The following SARDH variants were observed in gnomAD, a reference collection of about 807,000 sequenced individuals.
SARDH encodes the protein sarcosine dehydrogenase, mitochondrial.
Under a neutral mutation model 109.1 loss-of-function variants are expected in SARDH, and 95 were observed. The ratio of observed to expected loss-of-function variants is 0.87; its 90% CI spans 0.74 to 1.03. SARDH has a LOEUF of 1.03. Ranked by LOEUF, SARDH falls within the 50% of genes least tolerant of loss-of-function variation. The pLI, the probability that SARDH is intolerant of heterozygous loss-of-function variation, is 0.00. For missense variants in SARDH, 1,267 were observed against 1,287.8 expected, an observed-to-expected ratio of 0.98 and a Z score of 0.25; for synonymous variants, 572 against 534.8, an observed-to-expected ratio of 1.07 and a Z score of -0.96.
intron 15 of SARDH, among the ~76,000 whole-genome samples, chr9:133,691,516 G>T (rs1247536694): frequency 1.3e-5 from 2 of 152,328 alleles, no homozygotes; most frequent in South Asian, 4.1e-4. Context: ...GGTGTGGGGG[G>T]AGCTGTGGGC....
At chr9:133,734,388 TTCATTCAC>T (rs1474147060) in intron 1 of SARDH, among the ~76,000 whole-genome samples, 185 bp from the exon 2 acceptor site, 1 of 148,112 alleles carries the variant, frequency 6.8e-6, no homozygotes, top group African/African-American at 2.6e-5. Flanking sequence ...CACTCATTCA[TTCATTCAC>T]TCATTCATTC....
chr9:133,725,375 CA>C (rs1832451201), intron 6 of SARDH: 1 of 265,732 alleles, frequency 3.8e-6, no homozygotes, highest in Admixed American at 5.1e-5. Context: ...CAGGTATTAA[CA>C]ATGTTTACAT....
intron 20 of SARDH, among the ~76,000 whole-genome samples, chr9:133,664,303 T>C (rs1564221811): frequency 6.6e-6 from 1 of 152,198 alleles, no homozygotes; most frequent in Non-Finnish European, 1.5e-5. Flanking sequence ...CAATTCCAGA[T>C]GCCTGGGAAA....
At chr9:133,701,119 T>C (rs1408948133) in intron 13 of SARDH, among the ~76,000 whole-genome samples, 1 of 152,238 alleles carries the variant, frequency 6.6e-6, no homozygotes, top group African/African-American at 2.4e-5. Flanking sequence ...AGGGGTGCAC[T>C]GACCCTGACA....
At chr9:133,710,251 C>T (rs368224748) in intron 10 of SARDH, among the ~76,000 whole-genome samples, 11 of 152,218 alleles carry the variant, frequency 7.2e-5, no homozygotes, top group South Asian at 2.1e-4. Flanking sequence ...TTCCAGGTGG[C>T]GAAACTGAGG....
chr9:133,670,884 G>A lies in SARDH; in HGVS notation c.2327-132C>T, dbSNP rs1205983852. 2.3e-6 allele frequency: 3 copies of A among 1,290,906 alleles called. No homozygotes were observed. The East Asian group carries it at 8.4e-5, about 36-fold the overall frequency. 80.0% of individuals were successfully genotyped at this position (1,290,906 alleles called of 1,614,324 possible). ...ACTCTCAGAGCTGCTTAGTCACCTGGGCAGGAGGCAGGGGCATCCCCAACT... is the reference window on the plus strand; with the variant it reads ...ACTCTCAGAGCTGCTTAGTCACCTGAGCAGGAGGCAGGGGCATCCCCAACT... On this transcript the variant is annotated intron_variant, in intron 18 of 20. Coordinates refer to ENST00000439388, the MANE Select transcript of SARDH (RefSeq NM_001134707.2).
intron 17 of SARDH, among the ~76,000 whole-genome samples, chr9:133,676,051 G>A (rs1240647877): frequency 1.3e-5 from 2 of 151,576 alleles, no homozygotes; most frequent in African/African-American, 2.4e-5. Flanking sequence ...AGATCGCACC[G>A]CTGCACTCCA....
Position 133,703,175 on chromosome 9 carries a change from A to G in SARDH, c.1555-146T>C. On this transcript the variant is annotated intron_variant, in intron 12 of 20. Coordinates refer to ENST00000439388, the MANE Select transcript of SARDH (RefSeq NM_001134707.2). Reference sequence around the variant, plus strand: ...TGCACTGAGTGCCCGTGTGTTGTGGACGCGGGCAGGGGGCCCCCATGAGGT... The same window carrying G: ...TGCACTGAGTGCCCGTGTGTTGTGGGCGCGGGCAGGGGGCCCCCATGAGGT... 5.8e-6 allele frequency: 4 copies of G among 694,302 alleles called. No homozygotes were observed. The South Asian group carries it at 6.9e-5, about 12-fold the overall frequency. The allele number at this position is 694,302 out of a possible 1,614,324, so 43.0% of individuals were successfully genotyped here. A position where few individuals can be genotyped will look rare whatever the true frequency, so the allele number is the denominator to read the frequency against.
rs559127221 is a variant in SARDH at position 133,680,586 on chromosome 9, C to CCCT, written c.2163+4604_2163+4606dup. Among the ~76,000 whole-genome samples the CCCT allele has an allele frequency of 2.5e-3, 383 of 152,352 alleles. 3 individuals are homozygous for CCCT. The highest frequency in any genetic ancestry group is 8.8e-3 in the African/African-American group (366 of 41,578). On this transcript the variant is annotated intron_variant, in intron 17 of 20. Coordinates refer to ENST00000439388, the MANE Select transcript of SARDH (RefSeq NM_001134707.2). Reference sequence around the variant, plus strand: ...TCTCCTGGCCCACACCTCCCCAGGGCCCTCAAGAGGAGGCAGAGGTCACTG... The same window carrying CCCT: ...TCTCCTGGCCCACACCTCCCCAGGGCCCTCCTCAAGAGGAGGCAGAGGTCACTG...
intron 13 of SARDH, among the ~76,000 whole-genome samples, chr9:133,698,024 A>AAG (rs950073068): frequency 6.6e-6 from 1 of 151,000 alleles, no homozygotes; most frequent in African/African-American, 2.4e-5. Context: ...AAAAAAAAGA[A>AAG]AAAAAAGAAA....
At chr9:133,668,312 TCCCCCA>T (rs1830154204) in intron 19 of SARDH, among the ~76,000 whole-genome samples, 1 of 61,010 alleles carries the variant, frequency 1.6e-5, no homozygotes, top group South Asian at 7.3e-4. Context: ...TCCCTCCCTC[TCCCCCA>T]CCCTCCCTCT....
At chr9:133,688,214 G>A (rs569484515) in intron 16 of SARDH, among the ~76,000 whole-genome samples, 4 of 152,228 alleles carry the variant, frequency 2.6e-5, no homozygotes, top group South Asian at 2.1e-4. Context: ...ACAGCATCGC[G>A]GCTGCCTGTG....
intron 2 of SARDH, 58 bp downstream of exon 2, chr9:133,733,785 C>T: frequency 7.2e-7 from 1 of 1,387,896 alleles, no homozygotes; most frequent in Non-Finnish European, 9.5e-7. Context: ...TAGCAATGGG[C>T]TGTGGCCCCT....
intron 8 of SARDH, among the ~76,000 whole-genome samples, 167 bp from the exon 9 acceptor site, chr9:133,713,291 C>T (rs955878113): frequency 6.6e-6 from 1 of 152,172 alleles, no homozygotes; most frequent in Non-Finnish European, 1.5e-5. Flanking sequence ...GGGGCCTCCC[C>T]GCTGGCTCCT....
At position 133,731,348 on chromosome 9, in the gene SARDH, G is replaced by A; in HGVS notation, c.647C>T (p.Thr216Ile). 6.2e-7 allele frequency: 1 copy of A among 1,614,214 alleles called. No homozygotes were observed. Residue 216 changes from threonine (T) to isoleucine (I), a missense_variant, in exon 4 of 21, where the codon ACC becomes ATC. Coordinates refer to ENST00000439388, the MANE Select transcript of SARDH (RefSeq NM_001134707.2). ...AGCTGCCCTGGCGAGGGTGGTACAG[G>A]TGCCAGCGGGGTCCATGGTACCGTC... is the stretch of plus-strand genomic sequence containing the variant. The part of the protein sequence containing the change: ...PHDGTMDPAG[T>I]CTTLARAASA...
At chr9:133,732,390 C>T (rs1224294199) in intron 3 of SARDH, 33 bp downstream of exon 3, 3 of 1,477,038 alleles carry the variant, frequency 2.0e-6, no homozygotes, top group African/African-American at 1.4e-5. Context: ...CCACCCAAGC[C>T]CCCCTCCTTG....
At position 133,717,395 on chromosome 9, in the gene SARDH, T is replaced by C; in HGVS notation, c.1081A>G (p.Ile361Val). The C allele has an allele frequency of 6.2e-7, 1 of 1,614,130 alleles. No homozygotes were observed. The highest frequency in any genetic ancestry group is 1.1e-5 in the South Asian group (1 of 91,082). Residue 361 changes from isoleucine (I) to valine (V), a missense_variant, in exon 8 of 21, where the codon ATT (isoleucine) becomes GTT (valine). By Grantham distance (29) the Ile-to-Val change is conservative. Coordinates refer to ENST00000439388, the MANE Select transcript of SARDH (RefSeq NM_001134707.2). Reference sequence around the variant, plus strand: ...GGGACCCTGTTGATGGCGCCTTCAATGTGCTGGGTGAACACCTCCCAGTCC... The same window carrying C: ...GGGACCCTGTTGATGGCGCCTTCAACGTGCTGGGTGAACACCTCCCAGTCC... The part of the protein sequence containing the change: ...DLDWEVFTQH[I>V]EGAINRVPVL...
chr9:133,662,816 G>A (rs1018441881), downstream of SARDH, among the ~76,000 whole-genome samples: 5 of 152,222 alleles, frequency 3.3e-5, no homozygotes, highest in Admixed American at 6.5e-5. This position sits in a 1 kb window ranked among gnomAD's most constrained non-coding sequence, Gnocchi z 5.1. Context: ...GCAAGACTGC[G>A]CAGTGCCGCT....
chr9:133,706,432 G>A (rs1831699168), intron 11 of SARDH, among the ~76,000 whole-genome samples: 1 of 152,190 alleles, frequency 6.6e-6, no homozygotes, highest in Non-Finnish European at 1.5e-5. Flanking sequence ...ACAGCTTAGT[G>A]GTTGCCAAGG....
Sources: allele counts gnomAD v4.1 joint callset (sites outside exome capture counted in the v4.1 genomes callset), GRCh38; gene constraint gnomAD v4.1.1; non-coding constraint Gnocchi (gnomAD v3.1); transcripts MANE v1.5; gene names NCBI Gene and HGNC (gene_info 2026-07-23, HGNC 2026-07-21).